OCA2: variants seen among roughly 807,000 people sequenced by gnomAD.
OCA2 encodes P protein.
A neutral mutation model predicts 100.2 loss-of-function variants in OCA2; 77 were observed. That is an observed-to-expected ratio of 0.77 (90% CI 0.64 to 0.93). The LOEUF (loss-of-function observed/expected upper bound fraction) is 0.93. Ranked by LOEUF, OCA2 falls within the 40% of genes least tolerant of loss-of-function variation. The pLI is 0.00. For missense variants in OCA2, 1,062 were observed against 1,089.1 expected, an observed-to-expected ratio of 0.98 and a Z score of 0.35; for synonymous variants, 432 against 439.2, an observed-to-expected ratio of 0.98 and a Z score of 0.21.
At chr15:27,997,088 A>AAGAAAG (rs1555370303) in intron 9 of OCA2, among the ~76,000 whole-genome samples, 1 of 127,776 alleles carries the variant, frequency 7.8e-6, no homozygotes, top group African/African-American at 2.6e-5. Flanking sequence ...AAGAGAGAGA[A>AAGAAAG]AGAAAGAAAG....
At chr15:27,825,444 G>A (rs1235990006) in intron 23 of OCA2, among the ~76,000 whole-genome samples, 5 of 152,202 alleles carry the variant, frequency 3.3e-5, no homozygotes. Context: ...AAGTCTTCAG[G>A]ACTGAGGAGC....
At chr15:28,039,524 AAAC>A (rs1409709202) in intron 2 of OCA2, among the ~76,000 whole-genome samples, 3 of 152,254 alleles carry the variant, frequency 2.0e-5, no homozygotes, top group African/African-American at 7.2e-5. Flanking sequence ...TGTGGAAATT[AAAC>A]AACATACTCT....
intron 21 of OCA2, among the ~76,000 whole-genome samples, chr15:27,854,272 T>A (rs902626649): frequency 3.3e-5 from 5 of 152,180 alleles, no homozygotes; most frequent in African/African-American, 1.2e-4. Context: ...GGAGGACATG[T>A]GGAGCAGGGT....
At chr15:27,961,193 A>G (rs1378349945) in intron 15 of OCA2, among the ~76,000 whole-genome samples, 1 of 152,204 alleles carries the variant, frequency 6.6e-6, no homozygotes. Flanking sequence ...CAAACATATG[A>G]AAAAAAGCTC....
chr15:27,742,662 C>T, the OCA2 span, among the ~76,000 whole-genome samples: 4 of 152,190 alleles, frequency 2.6e-5, no homozygotes, highest in Non-Finnish European at 4.4e-5. Flanking sequence ...GAGAGCAAAA[C>T]GAGAACAGCT....
chr15:28,005,163 C>T (rs533131311), intron 9 of OCA2, among the ~76,000 whole-genome samples: 260 of 152,180 alleles, frequency 1.7e-3, no homozygotes, highest in African/African-American at 6.1e-3. Context: ...CAGTTCAGCC[C>T]GCCAGTCCTC....
chr15:27,845,155 T>C, intron 22 of OCA2, 103 bp from the exon 23 acceptor site: 2 of 893,060 alleles, frequency 2.2e-6, no homozygotes, highest in Non-Finnish European at 3.7e-6. Context: ...TTTGATTTGA[T>C]TATTATTTTA....
At chr15:27,996,688 C>A (rs2041738530) in intron 9 of OCA2, among the ~76,000 whole-genome samples, 1 of 151,760 alleles carries the variant, frequency 6.6e-6, no homozygotes, top group South Asian at 2.1e-4. Flanking sequence ...AAATTGATAG[C>A]CTAGAAGAAA....
At chr15:27,952,892 A>C (rs1273013051) in intron 17 of OCA2, among the ~76,000 whole-genome samples, 1 of 152,070 alleles carries the variant, frequency 6.6e-6, no homozygotes, top group Non-Finnish European at 1.5e-5. Context: ...CATGTTGCCC[A>C]GGCTGGTGTT....
rs530007407 is a variant in OCA2, at chr15:27,845,392, G to A, written c.2339-340C>T. ...CCAACAACCAAAGCCCAGAACGTGT[G>A]TCCCTCAGGAATGCAGTCTCAGACA... On this transcript the variant is annotated intron_variant, in intron 22 of 23. Transcript: ENST00000354638. Among the ~76,000 whole-genome samples the A allele has an allele frequency of 2.5e-3, 380 of 152,264 alleles. 2 individuals are homozygous for A. The highest frequency in any genetic ancestry group is 8.8e-3 in the African/African-American group (364 of 41,552).
chr15:27,735,001 T>A, the OCA2 span, among the ~76,000 whole-genome samples: 1 of 152,050 alleles, frequency 6.6e-6, no homozygotes, highest in Non-Finnish European at 1.5e-5. Flanking sequence ...AAAGTGCCAA[T>A]GACTGAGCCT....
In OCA2 at chr15:28,032,116, G is replaced by T. The variant is rs2042922582; in HGVS notation, c.275C>A (p.Ser92Tyr). Residue 92 changes from serine (S) to tyrosine (Y), a missense_variant, in exon 3 of 24, where the codon TCC becomes TAC. By Grantham distance (144) the Ser-to-Tyr change is moderately radical. Transcript: ENST00000354638. Reference sequence around the variant, plus strand: ...CAAAGGAGTGTTTTCTGTAAAGCAGGAATCTTTAGACCTGGAGCTGGACAT... The same window carrying T: ...CAAAGGAGTGTTTTCTGTAAAGCAGTAATCTTTAGACCTGGAGCTGGACAT... ...PQMSSSRSKD[S>Y]CFTENTPLLR... The T allele has an allele frequency of 6.2e-7, 1 of 1,613,988 alleles. No individual in the cohort carries two copies.
At chr15:28,058,339 T>C (rs1378964079) in intron 2 of OCA2, among the ~76,000 whole-genome samples, 2 of 152,238 alleles carry the variant, frequency 1.3e-5, no homozygotes, top group African/African-American at 2.4e-5. Context: ...GTCTGCAATG[T>C]CCTCTGGGAA....
chr15:27,972,650 C>A (rs2040828302), intron 14 of OCA2, among the ~76,000 whole-genome samples: 1 of 151,638 alleles, frequency 6.6e-6, no homozygotes, highest in Admixed American at 6.6e-5. Flanking sequence ...AGTTGCATAT[C>A]TTCTTCAAAA....
intron 23 of OCA2, among the ~76,000 whole-genome samples, chr15:27,770,306 A>G (rs1402158744): frequency 6.6e-6 from 1 of 152,102 alleles, no homozygotes; most frequent in African/African-American, 2.4e-5. Flanking sequence ...GCGGACCCCA[A>G]GCCGGGAGGG....
At chr15:27,832,294 G>A (rs890820707) in intron 23 of OCA2, among the ~76,000 whole-genome samples, 10 of 152,074 alleles carry the variant, frequency 6.6e-5, no homozygotes, top group Admixed American at 1.3e-4. Flanking sequence ...TGGCCTCCCC[G>A]GGGCCACTCG....
intron 1 of OCA2, among the ~76,000 whole-genome samples, chr15:28,093,808 T>C (rs1425286565): frequency 2.0e-5 from 3 of 151,960 alleles, no homozygotes; most frequent in Non-Finnish European, 2.9e-5. Context: ...GAATCCAGAG[T>C]GAAAATCCTC....
the OCA2 span, among the ~76,000 whole-genome samples, chr15:27,722,731 CT>C: frequency 7.1e-4 from 29 of 40,578 alleles, no homozygotes; most frequent in Non-Finnish European, 1.5e-3. Context: ...TTTCTTCTTT[CT>C]TTCTTTCTTC....
At chr15:27,863,740 A>G (rs574252464) in intron 21 of OCA2, among the ~76,000 whole-genome samples, 67 of 152,212 alleles carry the variant, frequency 4.4e-4, no homozygotes, top group African/African-American at 1.5e-3. Flanking sequence ...ACCTGCACAT[A>G]TGTCTCTCAC....
Sources: allele counts gnomAD v4.1 joint callset (sites outside exome capture counted in the v4.1 genomes callset), GRCh38; gene constraint gnomAD v4.1.1; transcripts MANE v1.5; gene names NCBI Gene and HGNC (gene_info 2026-07-23, HGNC 2026-07-21).